Variants in DCC observed in about 807,000 individuals in gnomAD.
DCC encodes netrin receptor DCC.
DCC carries 58 observed loss-of-function variants against 172.5 expected under a neutral mutation model. That is an observed-to-expected ratio of 0.34 (90% confidence interval 0.27 to 0.42). The LOEUF is 0.42. Among genes scored for constraint, DCC ranks in the 10% least tolerant of loss-of-function variants. The pLI is 1.00. For missense variants in DCC, 1,740 were observed against 1,791.0 expected (o/e 0.97, Z 0.51); for synonymous variants, 709 against 644.5 (o/e 1.10, Z -1.52).
intron 1 of DCC, among the ~76,000 whole-genome samples, chr18:52,422,516 G>T (rs1452597463): frequency 6.6e-6 from 1 of 152,122 alleles, no homozygotes; most frequent in Non-Finnish European, 1.5e-5. Context: ...AAGACTGTAG[G>T]TTGCCCCAGA....
intron 1 of DCC, among the ~76,000 whole-genome samples, chr18:52,562,984 G>A (rs2033073630): frequency 6.6e-6 from 1 of 151,982 alleles, no homozygotes; most frequent in South Asian, 2.1e-4. Flanking sequence ...GTTAGCATCT[G>A]CTATGCATCC....
At chr18:52,431,442 G>A (rs539383591) in intron 1 of DCC, among the ~76,000 whole-genome samples, 28 of 152,008 alleles carry the variant, frequency 1.8e-4, no homozygotes, top group African/African-American at 2.7e-4. Flanking sequence ...TATATTTGTC[G>A]AGAATCCAAT....
In DCC at chr18:52,680,228, A is replaced by T. The variant is rs556778633; in HGVS notation, c.92-71826A>T. Among the ~76,000 whole-genome samples the T allele has an allele frequency of 6.6e-5, 10 of 152,224 alleles. No homozygotes were observed. The East Asian group carries it at 1.9e-3, about 30-fold the overall frequency. ...GACAATTACATTATGGCAAACTTTT[A>T]AGCAGAGCATAGCGAGAGTGTTTGG... On this transcript the variant is annotated intron_variant, in intron 1 of 28. Coordinates refer to ENST00000442544, the MANE Select transcript of DCC (RefSeq NM_005215.4).
intron 2 of DCC, among the ~76,000 whole-genome samples, chr18:52,817,849 C>T (rs2038331004): frequency 6.6e-6 from 1 of 151,814 alleles, no homozygotes; most frequent in Non-Finnish European, 1.5e-5. Context: ...TAAATATACA[C>T]ATATAATGAA....
chr18:52,707,054 C>A (rs9945419), intron 1 of DCC, among the ~76,000 whole-genome samples: 146,303 of 152,284 alleles, frequency 0.96, 70,554 homozygotes, highest in East Asian at 1. Flanking sequence ...AGGCACAAAA[C>A]AGAGAAAGTA....
intron 9 of DCC, among the ~76,000 whole-genome samples, chr18:53,188,626 T>A (rs2055321432): frequency 6.6e-6 from 1 of 152,184 alleles, no homozygotes; most frequent in Non-Finnish European, 1.5e-5. Context: ...GGTGTTGCAT[T>A]ATTTATCTAG....
chr18:53,311,451 T>A (rs897915721), intron 13 of DCC, among the ~76,000 whole-genome samples: 4 of 152,266 alleles, frequency 2.6e-5, no homozygotes, highest in Non-Finnish European at 2.9e-5. Flanking sequence ...AAGAAATAAC[T>A]GAGGTCTGGA....
chr18:52,955,383 CT>C (rs34283017), intron 5 of DCC, among the ~76,000 whole-genome samples: 168 of 148,832 alleles, frequency 1.1e-3, no homozygotes, highest in African/African-American at 3.7e-3. Flanking sequence ...TTTAGTAGAC[CT>C]TTTTTTTTTG....
chr18:53,272,679 G>T (rs766390047), intron 12 of DCC, among the ~76,000 whole-genome samples: 2 of 152,080 alleles, frequency 1.3e-5, no homozygotes, highest in Admixed American at 1.3e-4. Flanking sequence ...ACACAGAGTT[G>T]TAAGCATTGC....
chr18:52,673,804 G>A (rs1221907599), intron 1 of DCC, among the ~76,000 whole-genome samples: 1 of 152,156 alleles, frequency 6.6e-6, no homozygotes, highest in East Asian at 1.9e-4. Flanking sequence ...AAAGTAAATA[G>A]ACCATGATGG....
intron 1 of DCC, among the ~76,000 whole-genome samples, chr18:52,690,729 G>A (rs1406056606): frequency 6.6e-6 from 1 of 152,014 alleles, no homozygotes; most frequent in Non-Finnish European, 1.5e-5. Context: ...CAAATACAAA[G>A]TATAAATCAA....
At chr18:53,351,439 CAGTGTATATATATATAT>C (rs2057808141) in intron 15 of DCC, among the ~76,000 whole-genome samples, 5 of 24,410 alleles carry the variant, frequency 2.0e-4, no homozygotes, top group African/African-American at 6.1e-4. Context: ...TATATATATA[CAGTGTATATATATATAT>C]ACACAGTGTG....
intron 1 of DCC, among the ~76,000 whole-genome samples, chr18:52,640,217 A>G (rs1314384472): frequency 6.6e-6 from 1 of 152,202 alleles, no homozygotes; most frequent in Non-Finnish European, 1.5e-5. Context: ...TCTTAATGTA[A>G]TAAAAGCCAT....
intron 12 of DCC, among the ~76,000 whole-genome samples, chr18:53,298,063 T>C (rs751740227): frequency 6.6e-6 from 1 of 152,170 alleles, no homozygotes; most frequent in Non-Finnish European, 1.5e-5. Context: ...TATGTGGGAA[T>C]AATTTAAGCG....
intron 2 of DCC, among the ~76,000 whole-genome samples, chr18:52,880,277 T>A (rs188944048): frequency 5.6e-4 from 85 of 152,170 alleles, no homozygotes; most frequent in African/African-American, 2.0e-3. Context: ...ACTGGAATTA[T>A]AGCCATTCAC....
intron 1 of DCC, among the ~76,000 whole-genome samples, chr18:52,547,963 A>T (rs188630404): frequency 1.2e-4 from 18 of 152,274 alleles, no homozygotes; most frequent in Admixed American, 2.6e-4. Context: ...TAAAGCCTTA[A>T]TTACAAAACA....
chr18:53,002,215 A>T (rs987819663), intron 5 of DCC, among the ~76,000 whole-genome samples: 1 of 152,092 alleles, frequency 6.6e-6, no homozygotes, highest in Non-Finnish European at 1.5e-5. Context: ...TTTTCTGGGC[A>T]GTGTGAATGA....
chr18:52,965,628 A>G (rs2040917030), intron 5 of DCC, among the ~76,000 whole-genome samples: 1 of 152,166 alleles, frequency 6.6e-6, no homozygotes, highest in African/African-American at 2.4e-5. Flanking sequence ...GTATTTGGTT[A>G]TTTCAATAAA....
chr18:52,747,327 T>C (rs1323502213), intron 1 of DCC, among the ~76,000 whole-genome samples: 1 of 152,226 alleles, frequency 6.6e-6, no homozygotes. Context: ...AATGTAACTA[T>C]TTGAGGGTTC....
Sources: gnomAD v4.1 joint callset for allele counts (sites outside exome capture counted in the v4.1 genomes callset) on GRCh38, gnomAD v4.1.1 for gene constraint, MANE v1.5 for transcripts, NCBI Gene and HGNC (gene_info 2026-07-23, HGNC 2026-07-21) for gene names.